Variants in NAALADL2 observed in about 807,000 individuals in gnomAD.
NAALADL2 encodes inactive N-acetylated-alpha-linked acidic dipeptidase-like protein 2.
Under a neutral mutation model 87.2 loss-of-function variants are expected in NAALADL2, and 76 were observed. That is an observed-to-expected ratio of 0.87 (90% CI 0.72 to 1.05). The LOEUF is 1.05. Ranked by LOEUF, NAALADL2 falls within the 50% of genes least tolerant of loss-of-function variation. The pLI, the probability that NAALADL2 is intolerant of heterozygous loss-of-function variation, is 0.00. For missense variants in NAALADL2, 1,089 were observed against 945.8 expected (o/e 1.15, Z -1.99); for synonymous variants, 354 against 331.0 (o/e 1.07, Z -0.75).
intron 4 of NAALADL2, among the ~76,000 whole-genome samples, chr3:175,280,025 C>T (rs566216478): frequency 1.6e-5 from 2 of 122,508 alleles, no homozygotes; most frequent in Non-Finnish European, 3.5e-5. Context: ...TTTCCTTTCA[C>T]TCCACTTTAA....
chr3:174,754,844 A>C (rs1056987383), intron 3 of NAALADL2, among the ~76,000 whole-genome samples: 3 of 152,208 alleles, frequency 2.0e-5, no homozygotes, highest in Admixed American at 6.5e-5. Context: ...AATGCTTTAT[A>C]TCACTTAGTC....
intron 3 of NAALADL2, among the ~76,000 whole-genome samples, chr3:174,847,969 A>G (rs1268607000): frequency 6.6e-6 from 1 of 151,498 alleles, no homozygotes; most frequent in East Asian, 1.9e-4. Flanking sequence ...AATGTCTTCA[A>G]TGATTGTGTA....
At chr3:174,471,953 A>T (rs1383533054) in intron 1 of NAALADL2, among the ~76,000 whole-genome samples, 1 of 152,106 alleles carries the variant, frequency 6.6e-6, no homozygotes, top group East Asian at 1.9e-4. Flanking sequence ...GCTTCCTTTT[A>T]TATGATCTCA....
chr3:175,095,421 A>C (rs1720978308), intron 1 of NAALADL2, among the ~76,000 whole-genome samples: 1 of 152,060 alleles, frequency 6.6e-6, no homozygotes, highest in African/African-American at 2.4e-5. Context: ...TCTCTGCCTG[A>C]CATGCATTAG....
At chr3:175,221,788 T>TATTTATTTA (rs1560185190) in intron 2 of NAALADL2, among the ~76,000 whole-genome samples, 1 of 151,812 alleles carries the variant, frequency 6.6e-6, no homozygotes, top group Non-Finnish European at 1.5e-5. Flanking sequence ...TTTATTTATT[T>TATTTATTTA]TTTTGGAGAT....
intron 1 of NAALADL2, among the ~76,000 whole-genome samples, chr3:175,004,470 T>C (rs540110455): frequency 7.9e-5 from 12 of 151,790 alleles, no homozygotes; most frequent in Non-Finnish European, 1.8e-4. Flanking sequence ...GTGGCGTTTG[T>C]TTAACAGCTA....
intron 9 of NAALADL2, among the ~76,000 whole-genome samples, chr3:175,472,071 T>C (rs964360980): frequency 1.3e-5 from 2 of 151,998 alleles, no homozygotes; most frequent in Non-Finnish European, 2.9e-5. Flanking sequence ...TTCTGTAATC[T>C]TGACATTTTA....
intron 3 of NAALADL2, among the ~76,000 whole-genome samples, chr3:174,812,775 A>C (rs928081773): frequency 1.3e-5 from 2 of 151,996 alleles, no homozygotes; most frequent in Admixed American, 6.6e-5. Context: ...CTTCATTTTT[A>C]ACAAAAAGTT....
intron 5 of NAALADL2, among the ~76,000 whole-genome samples, chr3:175,378,153 A>G (rs1360462662): frequency 6.6e-6 from 1 of 151,496 alleles, no homozygotes; most frequent in Non-Finnish European, 1.5e-5. Context: ...AGACACTGCC[A>G]TGGGGCCTAC....
intron 3 of NAALADL2, among the ~76,000 whole-genome samples, chr3:174,810,436 C>A (rs1720045069): frequency 6.6e-6 from 1 of 152,054 alleles, no homozygotes; most frequent in Non-Finnish European, 1.5e-5. Flanking sequence ...ACTTCTGTTA[C>A]ACATTGACAA....
At chr3:174,950,978 C>T (rs959818335) in intron 1 of NAALADL2, among the ~76,000 whole-genome samples, 6 of 151,942 alleles carry the variant, frequency 3.9e-5, no homozygotes, top group South Asian at 4.2e-4. Context: ...GATGGAAGGA[C>T]AGAGAAAAAG....
chr3:175,376,248 C>T (rs757025532), intron 5 of NAALADL2, among the ~76,000 whole-genome samples: 15 of 151,976 alleles, frequency 9.9e-5, no homozygotes, highest in Admixed American at 5.2e-4. Flanking sequence ...TAACCTTTTT[C>T]TTCACCCTAA....
chr3:175,305,770 C>T (rs1757644603), intron 4 of NAALADL2, among the ~76,000 whole-genome samples: 1 of 152,302 alleles, frequency 6.6e-6, no homozygotes, highest in South Asian at 2.1e-4. Context: ...GATCCACCTG[C>T]CTCGGCCTCC....
At chr3:174,671,502 G>A (rs1447622942) in intron 2 of NAALADL2, among the ~76,000 whole-genome samples, 1 of 152,090 alleles carries the variant, frequency 6.6e-6, no homozygotes, top group African/African-American at 2.4e-5. Context: ...TGTGTGGTGA[G>A]GGAGAGAACA....
At chr3:175,574,447 C>A (rs1171691931) in intron 9 of NAALADL2, among the ~76,000 whole-genome samples, 2 of 152,112 alleles carry the variant, frequency 1.3e-5, no homozygotes, top group Non-Finnish European at 2.9e-5. Flanking sequence ...TCTATGTTCC[C>A]AGAACTCTCT....
chr3:175,601,096 G>A lies in NAALADL2; in HGVS notation c.1800+24909G>A, dbSNP rs79397777. ...TTAGAAAAGACAATTTTAGGCATAC[G>A]GATAAATGAAAGATAGCATTTTTAT... On this transcript the variant is annotated intron_variant, in intron 10 of 13. Coordinates refer to ENST00000454872, the MANE Select transcript of NAALADL2 (RefSeq NM_207015.3). 3.2e-4 allele frequency among the ~76,000 whole-genome samples: 49 copies of A among 151,816 alleles called. No homozygotes were observed. The East Asian group carries it at 8.7e-3, about 27-fold the overall frequency.
At chr3:174,920,759 T>C (rs765068103) in intron 1 of NAALADL2, among the ~76,000 whole-genome samples, 1 of 152,218 alleles carries the variant, frequency 6.6e-6, no homozygotes, top group Non-Finnish European at 1.5e-5. Flanking sequence ...TCAACATGCT[T>C]TCCTCACTAA....
intron 2 of NAALADL2, among the ~76,000 whole-genome samples, chr3:175,230,665 T>C (rs544589586): frequency 2.0e-4 from 30 of 152,158 alleles, no homozygotes; most frequent in Admixed American, 9.2e-4. Flanking sequence ...AATCCGGCAG[T>C]TGTACTTCTG....
chr3:174,907,991 C>T (rs1362689776), intron 1 of NAALADL2, among the ~76,000 whole-genome samples: 1 of 139,226 alleles, frequency 7.2e-6, no homozygotes, highest in Non-Finnish European at 1.5e-5. Flanking sequence ...TTATTTATAT[C>T]AATTATCTCT....
Sources: allele counts gnomAD v4.1 joint callset (sites outside exome capture counted in the v4.1 genomes callset), GRCh38; gene constraint gnomAD v4.1.1; transcripts MANE v1.5; gene names NCBI Gene and HGNC (gene_info 2026-07-23, HGNC 2026-07-21).